L3HYPDH: variants seen among roughly 807,000 people sequenced by gnomAD.
L3HYPDH encodes trans-3-hydroxy-L-proline dehydratase.
In L3HYPDH, 32 loss-of-function variants were observed where a neutral mutation model predicts 26.5. The ratio of observed to expected loss-of-function variants is 1.21; its 90% CI spans 0.91 to 1.62. The LOEUF (loss-of-function observed/expected upper bound fraction) is 1.62. Ranked by LOEUF, L3HYPDH falls within the 40% of genes most tolerant of loss-of-function variation. The pLI, the probability that L3HYPDH is intolerant of heterozygous loss-of-function variation, is 0.00. For synonymous variants in L3HYPDH, 215 were observed against 196.6 expected (o/e 1.09, Z -0.78); for missense variants, 554 against 476.4 (o/e 1.16, Z -1.52).
chr14:59,497,373 G>A, the L3HYPDH span, among the ~76,000 whole-genome samples: 1 of 152,162 alleles, frequency 6.6e-6, no homozygotes, highest in African/African-American at 2.4e-5. Flanking sequence ...GGGGAAGAGT[G>A]GAATGGGATG....
In L3HYPDH at chr14:59,484,273, G is replaced by C. The variant is rs1890315728; in HGVS notation, c.44C>G (p.Pro15Arg). The C allele has an allele frequency of 6.3e-7, 1 of 1,596,182 alleles. No homozygotes were observed. The highest frequency in any genetic ancestry group is 8.5e-7 in the Non-Finnish European group (1 of 1,178,736). Reference sequence around the variant, plus strand: ...CACCACCGACAGCACCGGCGTCCCTGGATCATGCGGGGGCAGCCGGGGCAC... The same window carrying C: ...CACCACCGACAGCACCGGCGTCCCTCGATCATGCGGGGGCAGCCGGGGCAC... ...LAVPRLPPHD[P>R]GTPVLSVVDM... Residue 15 changes from proline (P) to arginine (R), a missense_variant, in exon 1 of 5, where the codon CCA becomes CGA. By Grantham distance (103) the Pro-to-Arg change is moderately radical (BLOSUM62 -2). Transcript: ENST00000247194.
chr14:59,502,233 C>T, the L3HYPDH span, among the ~76,000 whole-genome samples: 16 of 152,066 alleles, frequency 1.1e-4, no homozygotes, highest in African/African-American at 3.4e-4. Flanking sequence ...CTTTTAAATA[C>T]GTTAATGGCT....
At position 59,479,232 on chromosome 14, in the gene L3HYPDH, T is replaced by A. The variant is rs188704665; in HGVS notation, c.628A>T (p.Arg210Trp). 572 of 1,613,414 alleles carry A rather than the reference T, an allele frequency of 3.5e-4. 1 individual carries two copies. Among genetic ancestry groups the A allele is most frequent in the East Asian group, 4.0e-4 (18 of 44,846 alleles). The change falls in exon 2 of 5, where the codon AGG becomes TGG. Residue 210 changes from arginine (R) to tryptophan (W), a missense_variant. Physicochemically the swap from Arg to Trp is moderately radical, Grantham distance 101. Transcript: ENST00000247194. ...GCACTCGCTGCATCCACAAGGTCCCTGGTCTTTGCAGAACAAATGTCTAGT... is the reference window on the plus strand; with the variant it reads ...GCACTCGCTGCATCCACAAGGTCCCAGGTCTTTGCAGAACAAATGTCTAGT... ...LGLDICSAKT[R>W]DLVDAASAVT...
upstream of L3HYPDH, chr14:59,485,152 C>G: frequency 6.3e-7 from 1 of 1,593,324 alleles, no homozygotes; most frequent in Non-Finnish European, 8.5e-7. Context: ...TTCAGTTTAT[C>G]ATACTGGTTT....
At chr14:59,466,228 T>C (rs956957596) in intron 1 of L3HYPDH, among the ~76,000 whole-genome samples, 2 of 152,132 alleles carry the variant, frequency 1.3e-5, no homozygotes, top group Admixed American at 1.3e-4. Flanking sequence ...GAATGGGGTA[T>C]GTTTTGAGTC....
At chr14:59,478,330 G>A (rs1034028) in intron 2 of L3HYPDH, among the ~76,000 whole-genome samples, 59,500 of 151,924 alleles carry the variant, frequency 0.39, 12,411 homozygotes, top group African/African-American at 0.53. Context: ...TTGGGAGGCC[G>A]AGCTGGGAGA....
At chr14:59,474,652 C>G in intron 4 of L3HYPDH, 1 of 580,738 alleles carries the variant, frequency 1.7e-6, no homozygotes, top group Admixed American at 3.3e-5. Context: ...TAACTAACCT[C>G]TGGTAAATTA....
At position 59,483,971 on chromosome 14, in the gene L3HYPDH, A is replaced by C; in HGVS notation, c.346T>G (p.Leu116Val). Residue 116 changes from leucine to valine, a missense_variant, in exon 1 of 5, where the codon TTG (leucine) becomes GTG (valine). Coordinates refer to ENST00000247194, the MANE Select transcript of L3HYPDH (RefSeq NM_144581.2). Reference sequence around the variant, plus strand: ...GGCGCCGGCACAAGCCCGAAGTCCAAAGCGAAGCGGCCCAGCGCCAGCACT... The same window carrying C: ...GGCGCCGGCACAAGCCCGAAGTCCACAGCGAAGCGGCCCAGCGCCAGCACT... ...HAVLALGRFA[L>V]DFGLVPAPPA... is the part of the protein sequence containing the mutation. The C allele has an allele frequency of 6.4e-7, 1 of 1,573,484 alleles. No homozygotes were observed. The highest frequency in any genetic ancestry group is 8.6e-7 in the Non-Finnish European group (1 of 1,165,344).
chr14:59,488,820 C>G (rs1890775402), upstream of L3HYPDH, among the ~76,000 whole-genome samples: 1 of 152,232 alleles, frequency 6.6e-6, no homozygotes, highest in Non-Finnish European at 1.5e-5. Flanking sequence ...TGTTACCTAG[C>G]TACCTTCTTT....
the L3HYPDH span, among the ~76,000 whole-genome samples, chr14:59,494,139 A>G: frequency 8.5e-6 from 1 of 117,064 alleles, no homozygotes; most frequent in Admixed American, 8.6e-5. Flanking sequence ...TGTGTGTGTG[A>G]GATACACACA....
intron 1 of L3HYPDH, among the ~76,000 whole-genome samples, chr14:59,480,357 G>A (rs1188901943): frequency 1.3e-5 from 2 of 152,208 alleles, no homozygotes; most frequent in East Asian, 3.9e-4. Flanking sequence ...GGATGGGGAG[G>A]CAGTGCAGAG....
chr14:59,500,696 C>T, the L3HYPDH span, among the ~76,000 whole-genome samples: 1 of 152,204 alleles, frequency 6.6e-6, no homozygotes, highest in African/African-American at 2.4e-5. Flanking sequence ...TTTGAATTCT[C>T]CTAAATTTAG....
chr14:59,472,726 T>C lies in L3HYPDH; in HGVS notation c.*239A>G, dbSNP rs1030499901. On this transcript the variant is annotated 3_prime_UTR_variant, in exon 5 of 5. Coordinates refer to ENST00000247194, the MANE Select transcript of L3HYPDH (RefSeq NM_144581.2). Reference sequence around the variant, plus strand: ...GTTTTAATTTTACCTGATACGTTAATCACTAGAAAAAGACTCTGAATTTCT... The same window carrying C: ...GTTTTAATTTTACCTGATACGTTAACCACTAGAAAAAGACTCTGAATTTCT... 2.8e-6 allele frequency: 1 copy of C among 351,180 alleles called. No individual in the cohort carries two copies. The highest frequency in any genetic ancestry group is 4.6e-5 in the Admixed American group (1 of 21,520). The allele number at this position is 351,180 out of a possible 1,614,324, so 21.8% of individuals were successfully genotyped here. A position where few individuals can be genotyped will look rare whatever the true frequency, so the allele number is the denominator to read the frequency against.
the L3HYPDH span, among the ~76,000 whole-genome samples, chr14:59,490,202 G>T: frequency 1.3e-5 from 2 of 152,182 alleles, no homozygotes; most frequent in Non-Finnish European, 2.9e-5. Flanking sequence ...GATTATAGAT[G>T]TGAGCCACCA....
downstream of L3HYPDH, among the ~76,000 whole-genome samples, chr14:59,467,897 C>G (rs1001777158): frequency 6.6e-6 from 1 of 152,224 alleles, no homozygotes; most frequent in Non-Finnish European, 1.5e-5. Context: ...AATTCATCAA[C>G]CAAGACCTAT....
chr14:59,498,198 T>C, the L3HYPDH span, among the ~76,000 whole-genome samples: 1 of 152,248 alleles, frequency 6.6e-6, no homozygotes, highest in East Asian at 1.9e-4. Flanking sequence ...TTTTAAGGAA[T>C]ATTAAGGCTA....
chr14:59,490,362 A>C, the L3HYPDH span, among the ~76,000 whole-genome samples: 1 of 152,202 alleles, frequency 6.6e-6, no homozygotes, highest in Non-Finnish European at 1.5e-5. Flanking sequence ...CACCTCACTG[A>C]GGATTACATT....
the L3HYPDH span, among the ~76,000 whole-genome samples, chr14:59,493,004 T>C: frequency 6.6e-6 from 1 of 151,796 alleles, no homozygotes; most frequent in Admixed American, 6.6e-5. Context: ...TTCACTGTGT[T>C]AGCCAGGATG....
At chr14:59,485,831 T>C (rs951578379), upstream of L3HYPDH, 1 of 152,278 alleles carries the variant, frequency 6.6e-6, no homozygotes, top group Admixed American at 6.5e-5. Context: ...TTGGCCAGGC[T>C]GGTCTGGAAC....
Sources: gnomAD v4.1 joint callset for allele counts (sites outside exome capture counted in the v4.1 genomes callset) on GRCh38, gnomAD v4.1.1 for gene constraint, MANE v1.5 for transcripts, NCBI Gene and HGNC (gene_info 2026-07-23, HGNC 2026-07-21) for gene names.